The following CBX5 variants were observed in gnomAD, a reference collection of about 807,000 sequenced individuals.
CBX5 encodes chromobox protein homolog 5.
In CBX5, 7 loss-of-function variants were observed where a neutral mutation model predicts 20.7. That is an observed-to-expected ratio of 0.34 (90% CI 0.19 to 0.63). The LOEUF is 0.63. Ranked by LOEUF, CBX5 falls within the 30% of genes least tolerant of loss-of-function variation. The pLI, the probability that CBX5 is intolerant of heterozygous loss-of-function variation, is 0.75. For synonymous variants in CBX5, 78 were observed against 77.0 expected (o/e 1.01, Z -0.07); for missense variants, 110 against 224.1 (o/e 0.49, Z 3.25).
intron 1 of CBX5, chr12:54,258,534 T>C (rs1006729218): frequency 6.6e-6 from 1 of 152,100 alleles, no homozygotes; most frequent in African/African-American, 2.4e-5. Flanking sequence ...AGCATCAACA[T>C]GAAGCCTCCT....
intron 1 of CBX5, chr12:54,271,783 T>C (rs764713765): frequency 2.0e-5 from 3 of 152,148 alleles, no homozygotes; most frequent in Non-Finnish European, 2.9e-5. Flanking sequence ...GGAAAAACAA[T>C]AGGAAAATAC....
rs1943654597 is a variant in CBX5, at chr12:54,239,348, C to T, written c.*2407G>A. On this transcript the variant is annotated 3_prime_UTR_variant, in exon 5 of 5. Coordinates refer to ENST00000209875, the MANE Select transcript of CBX5 (RefSeq NM_012117.3). ...ACCAAATATTGTCATGTTCTTTGTC[C>T]ACATACTAGGTTTTTGGTTTTAAAA... is the stretch of plus-strand genomic sequence containing the variant. 6.6e-6 allele frequency: 1 copy of T among 152,090 alleles called. No individual in the cohort carries two copies. Among genetic ancestry groups the T allele is most frequent in the South Asian group, 2.1e-4 (1 of 4,820 alleles). The allele number at this position is 152,090 out of a possible 1,614,324, so 9.4% of individuals were successfully genotyped here. A position where few individuals can be genotyped will look rare whatever the true frequency, so the allele number is the denominator to read the frequency against.
chr12:54,271,764 G>A (rs548315753), intron 1 of CBX5: 2 of 152,182 alleles, frequency 1.3e-5, no homozygotes, highest in South Asian at 4.1e-4. Flanking sequence ...TATCTCATAA[G>A]TCTATTATGG....
chr12:54,267,923 C>G (rs1943972058), intron 1 of CBX5, among the ~76,000 whole-genome samples: 1 of 152,194 alleles, frequency 6.6e-6, no homozygotes, highest in Non-Finnish European at 1.5e-5. Flanking sequence ...GCAGGCGGAT[C>G]ACTTGAAGCC....
intron 4 of CBX5, among the ~76,000 whole-genome samples, chr12:54,243,518 G>A (rs1197006169): frequency 7.3e-5 from 11 of 151,108 alleles, no homozygotes; most frequent in Admixed American, 6.6e-4. Context: ...CTGTGATTAC[G>A]CCACTGCACT....
At chr12:54,246,780 CAAAAA>C (rs772454046) in intron 3 of CBX5, among the ~76,000 whole-genome samples, 2 of 46,242 alleles carry the variant, frequency 4.3e-5, no homozygotes, top group Middle Eastern at 0.011. Context: ...GACTCCGTCT[CAAAAA>C]AAAAAAAAAA....
At chr12:54,254,939 G>C (rs1359075999) in intron 2 of CBX5, among the ~76,000 whole-genome samples, 1 of 152,092 alleles carries the variant, frequency 6.6e-6, no homozygotes, top group Non-Finnish European at 1.5e-5. Flanking sequence ...TACCATCCCA[G>C]AGGAAATTAA....
chr12:54,265,677 AAAG>A (rs1943949711), intron 1 of CBX5, among the ~76,000 whole-genome samples: 1 of 152,206 alleles, frequency 6.6e-6, no homozygotes, highest in Admixed American at 6.5e-5. Flanking sequence ...AACTTTATTA[AAAG>A]AAGAGAGCAT....
chr12:54,268,671 C>A (rs1943980092), intron 1 of CBX5, among the ~76,000 whole-genome samples: 1 of 152,168 alleles, frequency 6.6e-6, no homozygotes, highest in Non-Finnish European at 1.5e-5. Context: ...TTCCAGTTTC[C>A]AATTTTAAGG....
At chr12:54,246,893 C>T (rs1943743415) in intron 3 of CBX5, among the ~76,000 whole-genome samples, 2 of 151,876 alleles carry the variant, frequency 1.3e-5, no homozygotes, top group Admixed American at 6.6e-5. Context: ...TGTAAATAAG[C>T]TTCTGAAATG....
At chr12:54,273,872 T>C (rs900390807) in intron 1 of CBX5, 6 of 152,274 alleles carry the variant, frequency 3.9e-5, no homozygotes, top group African/African-American at 1.4e-4. Flanking sequence ...AACTAATACA[T>C]AGGGGGAATA....
intron 1 of CBX5, among the ~76,000 whole-genome samples, chr12:54,261,222 A>C (rs566889738): frequency 2.0e-5 from 3 of 152,088 alleles, no homozygotes; most frequent in Non-Finnish European, 2.9e-5. Flanking sequence ...AGTTGAGAAG[A>C]AGCACAATGG....
At position 54,275,990 on chromosome 12, in the gene CBX5, CAA is replaced by C. The variant is rs55963261; in HGVS notation, c.-43+4016_-43+4017del. On this transcript the variant is annotated intron_variant, in intron 1 of 4. Transcript: ENST00000209875. ...GGGCAACAAGAGCGAGACTCCATTCCAAAAAAAAAAAAAAAAAAAACCTATCA... is the reference window on the plus strand; with the variant it reads ...GGGCAACAAGAGCGAGACTCCATTCCAAAAAAAAAAAAAAAAAACCTATCA... 5.9e-3 allele frequency among the ~76,000 whole-genome samples: 538 copies of C among 90,698 alleles called. 3 individuals carry two copies. The highest frequency in any genetic ancestry group is 0.016 in the East Asian group (47 of 3,020). 59.5% of individuals were successfully genotyped at this position (90,698 alleles called of 152,430 possible).
intron 1 of CBX5, among the ~76,000 whole-genome samples, chr12:54,269,023 G>A (rs149708860): frequency 3.3e-4 from 50 of 152,320 alleles, no homozygotes; most frequent in African/African-American, 1.0e-3. Flanking sequence ...AGCACTTTGG[G>A]AGGCTGAGGT....
In CBX5 at chr12:54,280,094, T is replaced by C. The variant is rs547360368; in HGVS notation, c.-129A>G. On this transcript the variant is annotated 5_prime_UTR_variant, in exon 1 of 5. Transcript: ENST00000209875. Reference sequence around the variant, plus strand: ...CCACAAGCCACCACCGCCGCCGCCTTCTGCGCAACGCCAACCGCCCGCCAA... The same window carrying C: ...CCACAAGCCACCACCGCCGCCGCCTCCTGCGCAACGCCAACCGCCCGCCAA... 5.1e-4 allele frequency: 82 copies of C among 159,752 alleles called. No individual in the cohort carries two copies. Among genetic ancestry groups the C allele is most frequent in the African/African-American group, 1.8e-3 (73 of 41,624 alleles). 9.9% of individuals were successfully genotyped at this position (159,752 alleles called of 1,614,324 possible).
At chr12:54,266,993 A>G (rs1463373666) in intron 1 of CBX5, among the ~76,000 whole-genome samples, 3 of 152,228 alleles carry the variant, frequency 2.0e-5, no homozygotes, top group Non-Finnish European at 4.4e-5. Flanking sequence ...AGAAAGCAGA[A>G]TTTGGCACCA....
Position 54,262,580 on chromosome 12 carries a change from T to C in CBX5, c.-42-4888A>G, listed in dbSNP as rs1050281100. On this transcript the variant is annotated intron_variant, in intron 1 of 4. Transcript: ENST00000209875. The stretch of plus-strand genomic sequence containing the variant: ...ATGACGACATAGTTCTGATGGAATG[T>C]GTCTTATCTTAACCTTGAAGTTACA... The C allele has an allele frequency of 2.6e-5, 4 of 152,796 alleles. No individual in the cohort carries two copies. The East Asian group carries it at 7.7e-4, about 29-fold the overall frequency. 9.5% of individuals were successfully genotyped at this position (152,796 alleles called of 1,614,324 possible).
In CBX5 at chr12:54,240,002, C is replaced by G. The variant is rs1242503831; in HGVS notation, c.*1753G>C. ...GAATAATCTAGAAATGGTAGATGCTCCTGGCCAGACAGCTGTATGTTTTAA... is the reference window on the plus strand; with the variant it reads ...GAATAATCTAGAAATGGTAGATGCTGCTGGCCAGACAGCTGTATGTTTTAA... On this transcript the variant is annotated 3_prime_UTR_variant, in exon 5 of 5. Transcript: ENST00000209875. 2 of 152,178 alleles carry G rather than the reference C, an allele frequency of 1.3e-5. No homozygotes were observed. The highest frequency in any genetic ancestry group is 2.9e-5 in the Non-Finnish European group (2 of 68,038). 9.4% of individuals were successfully genotyped at this position (152,178 alleles called of 1,614,324 possible).
intron 3 of CBX5, among the ~76,000 whole-genome samples, chr12:54,251,116 G>A (rs1171995020): frequency 4.0e-5 from 6 of 148,638 alleles, no homozygotes; most frequent in Non-Finnish European, 8.9e-5. Context: ...GGGTGACAGA[G>A]CGATATTCTG....
Sources: allele counts gnomAD v4.1 joint callset (sites outside exome capture counted in the v4.1 genomes callset), GRCh38; gene constraint gnomAD v4.1.1; transcripts MANE v1.5; gene names NCBI Gene and HGNC (gene_info 2026-07-23, HGNC 2026-07-21).